The following INPP4B variants were observed in gnomAD, a reference collection of about 807,000 sequenced individuals.
The protein encoded by INPP4B is inositol polyphosphate 4-phosphatase type II.
A neutral mutation model predicts 122.5 loss-of-function variants in INPP4B; 55 were observed. That is an observed-to-expected ratio of 0.45 (90% confidence interval 0.36 to 0.56). The LOEUF is 0.56. INPP4B is among the 20% of genes least tolerant of loss of function. The probability of loss-of-function intolerance (pLI) is 0.00; values close to 1 mark genes in which losing one functional copy is unlikely to be tolerated. For missense variants in INPP4B, 1,000 were observed against 1,097.7 expected (o/e 0.91, Z 1.26); for synonymous variants, 403 against 388.7 (o/e 1.04, Z -0.43).
intron 1 of INPP4B, among the ~76,000 whole-genome samples, chr4:142,783,842 A>G (rs1561064945): frequency 6.6e-6 from 1 of 152,148 alleles, no homozygotes; most frequent in Non-Finnish European, 1.5e-5. Context: ...GGTGGCAAAT[A>G]GTGAATGTAG....
intron 6 of INPP4B, 44 bp from the exon 7 acceptor site, chr4:142,403,098 A>C: frequency 9.4e-7 from 1 of 1,066,348 alleles, no homozygotes. Flanking sequence ...TAAGGCAGCA[A>C]CTGTAGTTGG....
At chr4:142,115,006 T>C (rs1792339050) in intron 21 of INPP4B, among the ~76,000 whole-genome samples, 1 of 151,970 alleles carries the variant, frequency 6.6e-6, no homozygotes, top group African/African-American at 2.4e-5. Flanking sequence ...AAGAACTACA[T>C]GATGCATGCC....
At position 142,028,077 on chromosome 4, in the gene INPP4B, T is replaced by C; in HGVS notation, c.*705A>G. 1 of 225,338 alleles carries C rather than the reference T, an allele frequency of 4.4e-6. No homozygotes were observed. The highest frequency in any genetic ancestry group is 6.4e-5 in the East Asian group (1 of 15,612). The allele number at this position is 225,338 out of a possible 1,614,324, so 14.0% of individuals were successfully genotyped here. On this transcript the variant is annotated 3_prime_UTR_variant, in exon 26 of 26. Transcript: ENST00000262992. ...GTTTTGCTTATCATTCTATTAAACG[T>C]TCTATATTGCTACATTCACAGCTAG... is the stretch of plus-strand genomic sequence containing the variant.
intron 22 of INPP4B, among the ~76,000 whole-genome samples, chr4:142,112,259 C>T (rs1790580633): frequency 6.6e-6 from 1 of 152,116 alleles, no homozygotes; most frequent in African/African-American, 2.4e-5. Context: ...TTAATATACA[C>T]ATAGGTATTT....
At chr4:142,261,327 A>G (rs1196816952) in intron 10 of INPP4B, among the ~76,000 whole-genome samples, 1 of 152,112 alleles carries the variant, frequency 6.6e-6, no homozygotes, top group Non-Finnish European at 1.5e-5. Flanking sequence ...GACGAAATCT[A>G]TTTTCACACA....
chr4:142,106,953 G>A (rs1787443628), intron 23 of INPP4B, among the ~76,000 whole-genome samples: 1 of 151,696 alleles, frequency 6.6e-6, no homozygotes, highest in South Asian at 2.1e-4. Context: ...TAACATTCAA[G>A]TTATAATAAA....
intron 2 of INPP4B, among the ~76,000 whole-genome samples, chr4:142,478,549 T>A (rs1820096504): frequency 6.6e-6 from 1 of 152,340 alleles, no homozygotes; most frequent in African/African-American, 2.4e-5. Context: ...GATAATCATG[T>A]GGTTTTTGTT....
chr4:142,236,098 C>T (rs992708872), intron 12 of INPP4B, among the ~76,000 whole-genome samples: 2 of 152,190 alleles, frequency 1.3e-5, no homozygotes, highest in African/African-American at 4.8e-5. Context: ...TCAGGTCCTG[C>T]CTGGAATCTC....
intron 1 of INPP4B, among the ~76,000 whole-genome samples, chr4:142,732,164 A>G (rs1766192289): frequency 6.6e-6 from 1 of 152,174 alleles, no homozygotes; most frequent in Non-Finnish European, 1.5e-5. Context: ...AGATATAAAA[A>G]CTAAAGACCA....
At chr4:142,595,774 G>A (rs1467200311) in intron 2 of INPP4B, among the ~76,000 whole-genome samples, 1 of 152,068 alleles carries the variant, frequency 6.6e-6, no homozygotes, top group Non-Finnish European at 1.5e-5. Flanking sequence ...TGCATTTTTG[G>A]TCACTTAGCA....
chr4:142,144,882 T>A (rs935915518), intron 18 of INPP4B, among the ~76,000 whole-genome samples: 1 of 152,072 alleles, frequency 6.6e-6, no homozygotes, highest in Admixed American at 6.6e-5. Flanking sequence ...AACATAAATC[T>A]AATTTTATAA....
At chr4:142,267,189 C>T (rs545969568) in intron 10 of INPP4B, among the ~76,000 whole-genome samples, 57 of 152,066 alleles carry the variant, frequency 3.7e-4, no homozygotes, top group South Asian at 1.2e-3. Context: ...TCATTTTTCA[C>T]GGAAATAAAT....
intron 11 of INPP4B, among the ~76,000 whole-genome samples, chr4:142,249,346 T>C (rs1337881273): frequency 6.6e-6 from 1 of 152,164 alleles, no homozygotes; most frequent in East Asian, 1.9e-4. Context: ...TGAAGTACTC[T>C]GTAGAATTAT....
At chr4:142,650,238 A>G (rs1484402038) in intron 2 of INPP4B, among the ~76,000 whole-genome samples, 1 of 152,202 alleles carries the variant, frequency 6.6e-6, no homozygotes, top group African/African-American at 2.4e-5. Context: ...GAAAGAAACA[A>G]TTGGTACCAG....
chr4:142,345,314 CT>C (rs952183331), intron 7 of INPP4B, among the ~76,000 whole-genome samples: 7 of 151,526 alleles, frequency 4.6e-5, no homozygotes, highest in African/African-American at 9.7e-5. Flanking sequence ...AAAGAGAAGG[CT>C]TTTTTTTATG....
intron 1 of INPP4B, among the ~76,000 whole-genome samples, chr4:142,802,636 T>C (rs1029951524): frequency 3.3e-5 from 5 of 152,284 alleles, no homozygotes; most frequent in African/African-American, 1.2e-4. Context: ...TTAGCATTTT[T>C]CTCAAAGAAC....
intron 2 of INPP4B, among the ~76,000 whole-genome samples, chr4:142,660,031 C>T (rs1021519792): frequency 1.3e-5 from 2 of 152,150 alleles, no homozygotes; most frequent in Admixed American, 6.5e-5. Flanking sequence ...CTGATTTCTG[C>T]CAATTAAGCC....
Position 142,368,434 on chromosome 4 carries a change from A to T in INPP4B, c.372+34504T>A, listed in dbSNP as rs551637075. Among the ~76,000 whole-genome samples, 6 of 152,246 alleles carry T rather than the reference A, an allele frequency of 3.9e-5. No individual in the cohort carries two copies. In the South Asian group the frequency reaches 1.2e-3, roughly 32 times the overall value. ...CCCTCAGTCATTAAATATTAATAAT[A>T]ATGTCTTTTTCATCATCTATATAAT... On this transcript the variant is annotated intron_variant, in intron 7 of 25. Coordinates refer to ENST00000262992, the MANE Select transcript of INPP4B (RefSeq NM_001101669.3).
intron 2 of INPP4B, among the ~76,000 whole-genome samples, chr4:142,532,818 A>C (rs1055255228): frequency 3.9e-5 from 6 of 152,226 alleles, no homozygotes; most frequent in African/African-American, 1.2e-4. Context: ...GATACTTGTA[A>C]AAAGACAGGC....
Sources: gnomAD v4.1 joint callset for allele counts (sites outside exome capture counted in the v4.1 genomes callset) on GRCh38, gnomAD v4.1.1 for gene constraint, MANE v1.5 for transcripts, NCBI Gene and HGNC (gene_info 2026-07-23, HGNC 2026-07-21) for gene names.